The following MDGA2 variants were observed in gnomAD, a reference collection of about 807,000 sequenced individuals.
The protein encoded by MDGA2 is MAM domain containing glycosylphosphatidylinositol anchor 2.
A neutral mutation model predicts 117.8 loss-of-function variants in MDGA2; 40 were observed. That is an observed-to-expected ratio of 0.34 (90% CI 0.26 to 0.44). The LOEUF is 0.44. Ranked by LOEUF, MDGA2 falls within the 20% of genes least tolerant of loss-of-function variation. MDGA2 has a pLI of 1.00. For synonymous variants in MDGA2, 452 were observed against 439.0 expected, an observed-to-expected ratio of 1.03 and a Z score of -0.37; for missense variants, 1,123 against 1,250.6, an observed-to-expected ratio of 0.90 and a Z score of 1.54.
chr14:47,219,326 C>T (rs916602694), intron 2 of MDGA2, among the ~76,000 whole-genome samples: 24 of 150,888 alleles, frequency 1.6e-4, no homozygotes, highest in African/African-American at 5.3e-4. Context: ...AATATAACCA[C>T]GTTTGCCCTT....
At chr14:47,117,571 G>GA (rs1461597895) in intron 5 of MDGA2, among the ~76,000 whole-genome samples, 1 of 152,224 alleles carries the variant, frequency 6.6e-6, no homozygotes, top group African/African-American at 2.4e-5. Context: ...TATTTGGCCT[G>GA]AAAAAATAAG....
intron 2 of MDGA2, among the ~76,000 whole-genome samples, chr14:47,296,272 A>C (rs1889070870): frequency 6.6e-6 from 1 of 152,170 alleles, no homozygotes; most frequent in East Asian, 1.9e-4. Flanking sequence ...AGATCTTGCT[A>C]AAGTAGCTAC....
At chr14:46,997,883 T>C (rs531641582) in intron 8 of MDGA2, among the ~76,000 whole-genome samples, 2 of 152,264 alleles carry the variant, frequency 1.3e-5, no homozygotes, top group African/African-American at 4.8e-5. Flanking sequence ...GGGAAGGAAG[T>C]AGAGTGAACA....
chr14:47,547,327 G>A (rs1198312028), intron 1 of MDGA2, among the ~76,000 whole-genome samples: 1 of 152,136 alleles, frequency 6.6e-6, no homozygotes, highest in East Asian at 1.9e-4. Context: ...TGAAACCTTT[G>A]AACACTAGCC....
intron 1 of MDGA2, among the ~76,000 whole-genome samples, chr14:47,436,653 C>A (rs758498751): frequency 6.6e-6 from 1 of 152,042 alleles, no homozygotes; most frequent in Non-Finnish European, 1.5e-5. Context: ...TCTTGATTCA[C>A]ACATAAAATA....
intron 3 of MDGA2, among the ~76,000 whole-genome samples, chr14:47,167,986 A>G (rs1407500269): frequency 6.6e-6 from 1 of 152,180 alleles, no homozygotes; most frequent in Non-Finnish European, 1.5e-5. Flanking sequence ...GCATTTGGCC[A>G]TAGACACATT....
intron 8 of MDGA2, among the ~76,000 whole-genome samples, chr14:47,030,876 T>C (rs553572457): frequency 1.6e-4 from 25 of 152,300 alleles, no homozygotes; most frequent in Non-Finnish European, 3.2e-4. Flanking sequence ...TAACTGGCAA[T>C]TGTAGAAGTT....
intron 1 of MDGA2, among the ~76,000 whole-genome samples, chr14:47,595,540 CAAAAAACAAA>C (rs1384823322): frequency 4.9e-5 from 2 of 40,792 alleles, no homozygotes; most frequent in Non-Finnish European, 9.1e-5. Context: ...CTAAAAAAAC[CAAAAAACAAA>C]AAAAAACAAA....
chr14:47,031,290 C>A (rs1329086527), intron 8 of MDGA2, among the ~76,000 whole-genome samples: 2 of 151,806 alleles, frequency 1.3e-5, no homozygotes, highest in South Asian at 4.1e-4. Flanking sequence ...TGATGTCCTA[C>A]ATACAATTCA....
intron 2 of MDGA2, among the ~76,000 whole-genome samples, chr14:47,261,964 T>A (rs927740232): frequency 7.2e-5 from 11 of 152,144 alleles, no homozygotes; most frequent in Non-Finnish European, 1.2e-4. Flanking sequence ...AAGTCTGTGA[T>A]GACACTAAAT....
intron 2 of MDGA2, among the ~76,000 whole-genome samples, chr14:47,243,745 G>A (rs571798393): frequency 1.3e-5 from 2 of 151,732 alleles, no homozygotes; most frequent in Non-Finnish European, 3.0e-5. Context: ...AACGCTCACC[G>A]CGAGGGTCCG....
At chr14:47,155,787 C>G (rs142517152) in intron 3 of MDGA2, among the ~76,000 whole-genome samples, 53 of 151,934 alleles carry the variant, frequency 3.5e-4, no homozygotes, top group African/African-American at 1.2e-3. Flanking sequence ...AAAGGTGCCA[C>G]TGGCCACAGA....
At chr14:47,172,398 C>A (rs1006481010) in intron 3 of MDGA2, among the ~76,000 whole-genome samples, 6 of 151,976 alleles carry the variant, frequency 3.9e-5, no homozygotes, top group Non-Finnish European at 7.4e-5. Flanking sequence ...GAGGCACCCC[C>A]AAGTAGGGGC....
In MDGA2 at chr14:47,358,958, CA is replaced by C. The variant is rs957989474; in HGVS notation, c.281-57409del. ...GGCATTTTTCACTTAAACAAACAAA[CA>C]AAAAAACTCTAAAATTTGCAGGGAA... is the stretch of plus-strand genomic sequence containing the variant. On this transcript the variant is annotated intron_variant, in intron 1 of 16. Coordinates refer to ENST00000399232, the MANE Select transcript of MDGA2 (RefSeq NM_001113498.3). Among the ~76,000 whole-genome samples, 5 of 152,128 alleles carry C rather than the reference CA, an allele frequency of 3.3e-5. No individual in the cohort carries two copies. In the South Asian group the frequency reaches 8.3e-4, roughly 25 times the overall value.
At chr14:47,370,473 T>C (rs959748368) in intron 1 of MDGA2, among the ~76,000 whole-genome samples, 2 of 49,408 alleles carry the variant, frequency 4.0e-5, no homozygotes, top group East Asian at 4.4e-4. Flanking sequence ...TTACTGTTTT[T>C]TTTTTTTTTT....
chr14:46,982,544 G>A (rs914798771), intron 8 of MDGA2, among the ~76,000 whole-genome samples: 2 of 150,438 alleles, frequency 1.3e-5, no homozygotes, highest in South Asian at 2.1e-4. Context: ...CCCCGTCTCC[G>A]CTAAAAATAT....
At chr14:47,429,685 T>C (rs576326996) in intron 1 of MDGA2, among the ~76,000 whole-genome samples, 4 of 152,234 alleles carry the variant, frequency 2.6e-5, no homozygotes, top group South Asian at 2.1e-4. Flanking sequence ...ATGTGATGTA[T>C]ATTTATTCAT....
At chr14:47,023,148 CAGTT>C (rs1392925726) in intron 8 of MDGA2, among the ~76,000 whole-genome samples, 1 of 135,688 alleles carries the variant, frequency 7.4e-6, no homozygotes, top group African/African-American at 2.8e-5. Context: ...CTGCCTATAA[CAGTT>C]AGACAAGAAT....
chr14:47,606,696 G>T (rs1220090140), intron 1 of MDGA2, among the ~76,000 whole-genome samples: 4 of 152,230 alleles, frequency 2.6e-5, no homozygotes, highest in Non-Finnish European at 5.9e-5. Context: ...TACTTATAAA[G>T]ATGTATGATA....
Sources: allele counts gnomAD v4.1 joint callset (sites outside exome capture counted in the v4.1 genomes callset), GRCh38; gene constraint gnomAD v4.1.1; transcripts MANE v1.5; gene names NCBI Gene and HGNC (gene_info 2026-07-23, HGNC 2026-07-21).